Variants in NIBAN1 observed in about 807,000 individuals in gnomAD.
NIBAN1 encodes niban apoptosis regulator 1.
A neutral mutation model predicts 75.1 loss-of-function variants in NIBAN1; 81 were observed. The ratio of observed to expected loss-of-function variants is 1.08; its 90% CI spans 0.90 to 1.30. The LOEUF (loss-of-function observed/expected upper bound fraction) is 1.30. NIBAN1 is among the 50% of genes most tolerant of loss of function. NIBAN1 has a pLI of 0.00. For missense variants in NIBAN1, 1,133 were observed against 1,128.1 expected (o/e 1.00, Z -0.06); for synonymous variants, 436 against 424.8 (o/e 1.03, Z -0.32).
At chr1:184,921,838 A>T (rs1657562270) in intron 1 of NIBAN1, among the ~76,000 whole-genome samples, 1 of 152,226 alleles carries the variant, frequency 6.6e-6, no homozygotes. Flanking sequence ...TAGCTAAACT[A>T]TGATTCTGTG....
At chr1:184,898,213 G>A (rs1287964984) in intron 2 of NIBAN1, among the ~76,000 whole-genome samples, 2 of 152,098 alleles carry the variant, frequency 1.3e-5, no homozygotes, top group African/African-American at 4.8e-5. Context: ...CTGTTCCATA[G>A]ACCTGGAATA....
intron 1 of NIBAN1, among the ~76,000 whole-genome samples, chr1:184,919,115 A>G (rs569136003): frequency 9.2e-5 from 14 of 152,382 alleles, no homozygotes; most frequent in Middle Eastern, 3.4e-3. Flanking sequence ...AATAAATTTT[A>G]AGTTGTCAGA....
Position 184,922,441 on chromosome 1 carries a change from C to T in NIBAN1, c.56-23132G>A, listed in dbSNP as rs558535735. Among the ~76,000 whole-genome samples, 7 of 152,260 alleles carry T rather than the reference C, an allele frequency of 4.6e-5. No individual in the cohort carries two copies. The East Asian group carries it at 1.2e-3, about 25-fold the overall frequency. ...TAACTACTGTTCTACTCTCTACCTC[C>T]GTGAGTTCAATTGTTTTAATTTTTA... On this transcript the variant is annotated intron_variant, in intron 1 of 13. Coordinates refer to ENST00000367511, the MANE Select transcript of NIBAN1 (RefSeq NM_052966.4).
At chr1:184,889,544 A>G (rs1464848925) in intron 4 of NIBAN1, among the ~76,000 whole-genome samples, 3 of 152,204 alleles carry the variant, frequency 2.0e-5, no homozygotes, top group African/African-American at 7.2e-5. Flanking sequence ...TTAGAAAAAT[A>G]GTATTCCCTG....
intron 1 of NIBAN1, among the ~76,000 whole-genome samples, chr1:184,919,271 G>C (rs1657469123): frequency 6.6e-6 from 1 of 152,178 alleles, no homozygotes; most frequent in African/African-American, 2.4e-5. Flanking sequence ...GTGAATCAAG[G>C]TGACCTGCCT....
chr1:184,795,865 C>T lies in NIBAN1; in HGVS notation c.1899G>A (p.Ser633=), dbSNP rs115031353. The change falls in exon 14 of 14, where the codon TCG becomes TCA. Residue 633 remains serine (S), a synonymous_variant. Coordinates refer to ENST00000367511, the MANE Select transcript of NIBAN1 (RefSeq NM_052966.4). ...EEEKQPEVPS[S]LAKGESLSLP... The stretch of plus-strand genomic sequence containing the variant: ...GAGAAAGGCTTTCTCCTTTGGCCAA[C>T]GAGCTAGGGACCTCAGGCTGCTTCT... 3.5e-4 allele frequency: 557 copies of T among 1,611,520 alleles called. 4 individuals are homozygous for T. In the African/African-American group the frequency reaches 5.7e-3, roughly 17 times the overall value.
At chr1:184,884,100 T>A (rs184037666) in intron 5 of NIBAN1, among the ~76,000 whole-genome samples, 30 of 152,172 alleles carry the variant, frequency 2.0e-4, no homozygotes, top group African/African-American at 7.2e-4. Context: ...ATGTTCTGCT[T>A]CACCGGGGCC....
chr1:184,821,214 T>C (rs1654688886), intron 8 of NIBAN1, among the ~76,000 whole-genome samples: 1 of 152,156 alleles, frequency 6.6e-6, no homozygotes. Context: ...AATAAATAAT[T>C]GTGCAGCAGA....
At chr1:184,900,268 C>A (rs530525427) in intron 1 of NIBAN1, among the ~76,000 whole-genome samples, 5 of 152,068 alleles carry the variant, frequency 3.3e-5, no homozygotes, top group African/African-American at 1.2e-4. Context: ...ATAACCACCA[C>A]GAGACAGAGG....
At chr1:184,830,990 A>G (rs1263450476) in intron 6 of NIBAN1, among the ~76,000 whole-genome samples, 1 of 79,194 alleles carries the variant, frequency 1.3e-5, no homozygotes. Context: ...ACAGAGCGAG[A>G]CTCCTCTCAA....
chr1:184,966,477 C>G (rs1008188137), intron 1 of NIBAN1, among the ~76,000 whole-genome samples: 4 of 152,200 alleles, frequency 2.6e-5, no homozygotes, highest in Admixed American at 1.3e-4. Context: ...TAGAACCACC[C>G]AGCCTGGACC....
At chr1:184,954,643 G>A (rs555468016) in intron 1 of NIBAN1, among the ~76,000 whole-genome samples, 146 of 152,268 alleles carry the variant, frequency 9.6e-4, no homozygotes, top group African/African-American at 3.4e-3. Flanking sequence ...AAAAAGGCTT[G>A]TCATTTTCGG....
At position 184,905,041 on chromosome 1, in the gene NIBAN1, C is replaced by CA. The variant is rs75155797; in HGVS notation, c.56-5733dup. On this transcript the variant is annotated intron_variant, in intron 1 of 13. Transcript: ENST00000367511. ...GGAACTCTCAGCTCTTAAACAGGAACAAAAAAGTGAAAACCAGAGTGGGAG... is the reference window on the plus strand; with the variant it reads ...GGAACTCTCAGCTCTTAAACAGGAACAAAAAAAGTGAAAACCAGAGTGGGAG... Among the ~76,000 whole-genome samples, 234 of 152,042 alleles carry CA rather than the reference C, an allele frequency of 1.5e-3. 1 individual carries two copies. The East Asian group carries it at 0.038, about 25-fold the overall frequency.
At chr1:184,817,869 C>G (rs1156479837) in intron 9 of NIBAN1, among the ~76,000 whole-genome samples, 3 of 152,202 alleles carry the variant, frequency 2.0e-5, no homozygotes, top group African/African-American at 7.2e-5. Context: ...TTGGCCAATC[C>G]CAGCGGCCAT....
In NIBAN1 at chr1:184,795,022, TC is replaced by T; in HGVS notation, c.2741del (p.Gly914GlufsTer26). The part of the protein sequence containing the change: ...LLSHKDDVKE[G>X]EGGQESFPEL... Reference sequence around the variant, plus strand: ...CTGGGAAACTCTCCTGACCACCTTCTCCCTCCTTCACGTCATCTTTGTGTGA... The same window carrying T: ...CTGGGAAACTCTCCTGACCACCTTCTCCTCCTTCACGTCATCTTTGTGTGA... On this transcript the variant is annotated frameshift_variant, in exon 14 of 14. Coordinates refer to ENST00000367511, the MANE Select transcript of NIBAN1 (RefSeq NM_052966.4). LOFTEE classifies it high-confidence loss of function. The T allele has an allele frequency of 6.2e-7, 1 of 1,613,202 alleles. No homozygotes were observed.
intron 1 of NIBAN1, among the ~76,000 whole-genome samples, chr1:184,932,109 T>C (rs1009996877): frequency 6.6e-6 from 1 of 152,154 alleles, no homozygotes; most frequent in Non-Finnish European, 1.5e-5. Context: ...CTTGAGATGA[T>C]CTAGAATAGT....
At chr1:184,965,271 C>T (rs965299443) in intron 1 of NIBAN1, among the ~76,000 whole-genome samples, 9 of 151,810 alleles carry the variant, frequency 5.9e-5, no homozygotes, top group Non-Finnish European at 1.0e-4. Flanking sequence ...TGCACTCCAG[C>T]CTGGGCAACA....
At chr1:184,920,777 C>T (rs180046) in intron 1 of NIBAN1, among the ~76,000 whole-genome samples, 33,048 of 152,030 alleles carry the variant, frequency 0.22, 7,573 homozygotes, top group African/African-American at 0.58. Context: ...TAATGAAATA[C>T]AAGAAAATGG....
At chr1:184,908,844 T>C (rs895368853) in intron 1 of NIBAN1, among the ~76,000 whole-genome samples, 2 of 152,134 alleles carry the variant, frequency 1.3e-5, no homozygotes, top group African/African-American at 4.8e-5. Flanking sequence ...AAGCTACAGA[T>C]TGGCTGTCTT....
Sources: gnomAD v4.1 joint callset for allele counts (sites outside exome capture counted in the v4.1 genomes callset) on GRCh38, gnomAD v4.1.1 for gene constraint, MANE v1.5 for transcripts, NCBI Gene and HGNC (gene_info 2026-07-23, HGNC 2026-07-21) for gene names.